Variants in EHD4 observed in about 807,000 individuals in gnomAD.
EHD4 encodes EH domain-containing protein 4.
Under a neutral mutation model 51.0 loss-of-function variants are expected in EHD4, and 37 were observed. The ratio of observed to expected loss-of-function variants is 0.73; its 90% CI spans 0.56 to 0.95. The LOEUF is 0.95. EHD4 is among the 40% of genes least tolerant of loss of function. The probability of loss-of-function intolerance (pLI) is 0.00; values close to 1 mark genes in which losing one functional copy is unlikely to be tolerated. For missense variants in EHD4, 632 were observed against 733.1 expected (o/e 0.86, Z 1.59); for synonymous variants, 297 against 317.3 (o/e 0.94, Z 0.68).
chr15:41,901,816 A>G (rs553862685), intron 5 of EHD4, among the ~76,000 whole-genome samples: 7 of 152,374 alleles, frequency 4.6e-5, no homozygotes, highest in African/African-American at 1.7e-4. Context: ...GGAACCCCGT[A>G]GGACCAGCCC....
At position 41,960,874 on chromosome 15, in the gene EHD4, T is replaced by C. The variant is rs1471872294; in HGVS notation, c.237-6934A>G. Among the ~76,000 whole-genome samples the C allele has an allele frequency of 2.3e-4, 35 of 152,264 alleles. 1 individual carries two copies. Among genetic ancestry groups the C allele is most frequent in the Admixed American group, 2.3e-3 (35 of 15,282 alleles). On this transcript the variant is annotated intron_variant, in intron 1 of 5. Coordinates refer to ENST00000220325, the MANE Select transcript of EHD4 (RefSeq NM_139265.4). ...TTTTAGTAGAGACGGGGTTTTACCA[T>C]GTTGTCCAGGCTGGTCTCAAACTCC... is the stretch of plus-strand genomic sequence containing the variant.
intron 4 of EHD4, among the ~76,000 whole-genome samples, chr15:41,914,078 T>G (rs1208884691): frequency 2.6e-5 from 4 of 151,988 alleles, no homozygotes; most frequent in African/African-American, 9.7e-5. Flanking sequence ...CTGAGACACA[T>G]GTACTAAAGA....
intron 3 of EHD4, among the ~76,000 whole-genome samples, chr15:41,935,545 G>T (rs1020426300): frequency 2.0e-5 from 3 of 152,190 alleles, no homozygotes; most frequent in Admixed American, 2.0e-4. Flanking sequence ...AAAAATAGGA[G>T]ATTTGATGTT....
intron 1 of EHD4, among the ~76,000 whole-genome samples, chr15:41,955,196 T>C (rs747819307): frequency 1.7e-4 from 25 of 146,742 alleles, no homozygotes; most frequent in Non-Finnish European, 2.8e-4. Context: ...GAGCCTTCTA[T>C]ATTGTTTCAC....
intron 5 of EHD4, among the ~76,000 whole-genome samples, chr15:41,902,844 T>A (rs1376744553): frequency 6.7e-6 from 1 of 148,724 alleles, no homozygotes; most frequent in Non-Finnish European, 1.5e-5. Flanking sequence ...CATATGTATA[T>A]ATATATGTTA....
chr15:41,909,434 T>C (rs1014270077), intron 5 of EHD4, among the ~76,000 whole-genome samples: 2 of 152,236 alleles, frequency 1.3e-5, no homozygotes, highest in Admixed American at 6.5e-5. Flanking sequence ...ACCAGCCTCC[T>C]TGGACACAGT....
intron 4 of EHD4, among the ~76,000 whole-genome samples, chr15:41,912,816 G>A (rs1197931431): frequency 6.6e-6 from 1 of 152,180 alleles, no homozygotes; most frequent in Non-Finnish European, 1.5e-5. Context: ...GGACATCCAT[G>A]TGACTCACTC....
At chr15:41,937,520 T>C (rs2067739872) in intron 3 of EHD4, among the ~76,000 whole-genome samples, 1 of 152,188 alleles carries the variant, frequency 6.6e-6, no homozygotes, top group South Asian at 2.1e-4. Context: ...TTCAGAAGGA[T>C]AGACACATAG....
chr15:41,970,895 C>T (rs1331878152), intron 1 of EHD4, among the ~76,000 whole-genome samples: 1 of 152,208 alleles, frequency 6.6e-6, no homozygotes, highest in Non-Finnish European at 1.5e-5. Context: ...TTAAATGTGA[C>T]ATTTGTCATC....
intron 3 of EHD4, among the ~76,000 whole-genome samples, chr15:41,940,259 G>A (rs1209699898): frequency 2.0e-5 from 3 of 152,240 alleles, no homozygotes; most frequent in Admixed American, 6.5e-5. Context: ...AAAGTCAGTG[G>A]GGGATGCTTT....
At chr15:41,961,697 A>T (rs1003371936) in intron 1 of EHD4, among the ~76,000 whole-genome samples, 1 of 152,250 alleles carries the variant, frequency 6.6e-6, no homozygotes, top group Non-Finnish European at 1.5e-5. Context: ...AACTAGTAAT[A>T]GATAATTTCT....
In EHD4 at chr15:41,898,972, T is replaced by C. The variant is rs962973240; in HGVS notation, c.*1673A>G. On this transcript the variant is annotated 3_prime_UTR_variant, in exon 6 of 6. Coordinates refer to ENST00000220325, the MANE Select transcript of EHD4 (RefSeq NM_139265.4). ...ATTATGTAGAAAGTAAGCTAGGGAG[T>C]GTAAGGGTAGGCATCTGGATATAAA... The C allele has an allele frequency of 6.6e-6, 1 of 151,962 alleles. No homozygotes were observed. Among genetic ancestry groups the C allele is most frequent in the Non-Finnish European group, 1.5e-5 (1 of 68,004 alleles). 9.4% of individuals were successfully genotyped at this position (151,962 alleles called of 1,614,324 possible). A position where few individuals can be genotyped will look rare whatever the true frequency, so the allele number is the denominator to read the frequency against.
At chr15:41,923,116 C>T (rs1455229949) in intron 3 of EHD4, among the ~76,000 whole-genome samples, 1 of 152,206 alleles carries the variant, frequency 6.6e-6, no homozygotes, top group African/African-American at 2.4e-5. Flanking sequence ...CCACCACCAC[C>T]ATCCAACTGA....
chr15:41,972,193 C>T lies in EHD4; in HGVS notation c.236+66G>A, dbSNP rs565161677. ...GGGAGGGGCAGCGGCGGGAGGCGGCCGACTGCGGCGCACACGTGGGGAGGG... is the reference window on the plus strand; with the variant it reads ...GGGAGGGGCAGCGGCGGGAGGCGGCTGACTGCGGCGCACACGTGGGGAGGG... On this transcript the variant is annotated intron_variant, in intron 1 of 5. Transcript: ENST00000220325. 71 of 1,287,076 alleles carry T rather than the reference C, an allele frequency of 5.5e-5. 1 individual carries two copies. In the South Asian group the frequency reaches 1.8e-3, roughly 33 times the overall value. The allele number at this position is 1,287,076 out of a possible 1,614,324, so 79.7% of individuals were successfully genotyped here.
At chr15:41,945,204 A>T (rs1280820582) in intron 2 of EHD4, among the ~76,000 whole-genome samples, 1 of 152,208 alleles carries the variant, frequency 6.6e-6, no homozygotes, top group Non-Finnish European at 1.5e-5. Context: ...ATTCCCGTGG[A>T]CAGGCTGATC....
chr15:41,954,630 C>A (rs967542795), intron 1 of EHD4, among the ~76,000 whole-genome samples: 1 of 152,050 alleles, frequency 6.6e-6, no homozygotes. Context: ...GTAAATAAAA[C>A]TGAAAAAAAA....
At chr15:41,949,472 A>G (rs2067839185) in intron 2 of EHD4, among the ~76,000 whole-genome samples, 1 of 152,206 alleles carries the variant, frequency 6.6e-6, no homozygotes, top group Non-Finnish European at 1.5e-5. Context: ...TAGAAGGTCA[A>G]TAATACACCT....
chr15:41,922,761 T>A (rs549235695), intron 3 of EHD4, among the ~76,000 whole-genome samples: 10 of 152,156 alleles, frequency 6.6e-5, no homozygotes, highest in African/African-American at 2.2e-4. Context: ...CAGATTTAAG[T>A]TTACTATAAG....
intron 4 of EHD4, among the ~76,000 whole-genome samples, chr15:41,913,103 G>A (rs1398865166): frequency 1.3e-5 from 2 of 152,268 alleles, no homozygotes; most frequent in African/African-American, 2.4e-5. Flanking sequence ...CATCAAACAC[G>A]GACACAATGA....
Sources: gnomAD v4.1 joint callset for allele counts (sites outside exome capture counted in the v4.1 genomes callset) on GRCh38, gnomAD v4.1.1 for gene constraint, MANE v1.5 for transcripts, NCBI Gene and HGNC (gene_info 2026-07-23, HGNC 2026-07-21) for gene names.